SCLT1: variants seen among roughly 807,000 people sequenced by gnomAD.
SCLT1 encodes the protein sodium channel-associated protein 1.
Under a neutral mutation model 112.8 loss-of-function variants are expected in SCLT1, and 78 were observed. That is an observed-to-expected ratio of 0.69 (90% confidence interval 0.58 to 0.83). The LOEUF is 0.83. Ranked by LOEUF, SCLT1 falls within the 40% of genes least tolerant of loss-of-function variation. The probability of loss-of-function intolerance (pLI) is 0.00; values close to 1 mark genes in which losing one functional copy is unlikely to be tolerated. For synonymous variants in SCLT1, 257 were observed against 254.7 expected (o/e 1.01, Z -0.09); for missense variants, 747 against 770.4 (o/e 0.97, Z 0.36).
At chr4:128,893,642 A>G (rs1733502168) in intron 18 of SCLT1, among the ~76,000 whole-genome samples, 1 of 152,060 alleles carries the variant, frequency 6.6e-6, no homozygotes, top group African/African-American at 2.4e-5. Context: ...TCCCAGGCTC[A>G]TGCCATTCTC....
chr4:129,036,855 A>G (rs1394798011), intron 5 of SCLT1: 1 of 151,822 alleles, frequency 6.6e-6, no homozygotes, highest in Non-Finnish European at 1.5e-5. Flanking sequence ...ACATAGAAAA[A>G]TACAAATAAA....
At chr4:128,925,960 C>T (rs1005426748) in intron 18 of SCLT1, among the ~76,000 whole-genome samples, 2 of 151,722 alleles carry the variant, frequency 1.3e-5, no homozygotes, top group African/African-American at 4.8e-5. Flanking sequence ...CTTTAAATCA[C>T]TAAGAATATT....
chr4:128,959,712 G>C lies in SCLT1; in HGVS notation c.935C>G (p.Thr312Ser). 1 of 1,613,356 alleles carries C rather than the reference G, an allele frequency of 6.2e-7. No homozygotes were observed. Among genetic ancestry groups the C allele is most frequent in the Non-Finnish European group, 8.5e-7 (1 of 1,179,590 alleles). Residue 312 changes from threonine to serine, a missense_variant, in exon 12 of 21, where the codon ACC (threonine) becomes AGC (serine). By Grantham distance (58) the Thr-to-Ser change is moderately conservative. Coordinates refer to ENST00000281142, the MANE Select transcript of SCLT1 (RefSeq NM_144643.4). ...RTENTHLEKQ[T>S]RELQAKCNEL... ...ATTGCACTTTGCTTGTAGCTCTCTGGTCTGTTTTTCCAGATGTGTATTTTC... is the reference window on the plus strand; with the variant it reads ...ATTGCACTTTGCTTGTAGCTCTCTGCTCTGTTTTTCCAGATGTGTATTTTC...
chr4:128,901,587 G>A (rs1336305068), intron 18 of SCLT1, among the ~76,000 whole-genome samples: 2 of 151,324 alleles, frequency 1.3e-5, no homozygotes, highest in Non-Finnish European at 2.9e-5. Context: ...TGAGTTACTG[G>A]GTGCAGCACA....
intron 10 of SCLT1, among the ~76,000 whole-genome samples, chr4:128,969,637 G>C (rs1268010214): frequency 6.6e-6 from 1 of 151,930 alleles, no homozygotes; most frequent in East Asian, 1.9e-4. Context: ...CTTTGACCTG[G>C]GTACCTTAAG....
chr4:129,092,394 A>G (rs1467704797), intron 1 of SCLT1, among the ~76,000 whole-genome samples: 1 of 152,230 alleles, frequency 6.6e-6, no homozygotes, highest in African/African-American at 2.4e-5. Flanking sequence ...TTTTTCATAT[A>G]GTAAATTCAT....
chr4:128,997,152 T>C (rs1743083217), intron 8 of SCLT1: 3 of 151,964 alleles, frequency 2.0e-5, no homozygotes, highest in Admixed American at 6.6e-5. Context: ...AATAATTTTT[T>C]ACATGGTTAA....
At chr4:128,929,845 T>A (rs962219635) in intron 18 of SCLT1, among the ~76,000 whole-genome samples, 4 of 152,210 alleles carry the variant, frequency 2.6e-5, no homozygotes, top group African/African-American at 9.6e-5. Context: ...CTTTGTCTAT[T>A]CATGGTGTTA....
intron 20 of SCLT1, among the ~76,000 whole-genome samples, chr4:128,885,425 A>G (rs1292409429): frequency 1.3e-5 from 2 of 152,226 alleles, no homozygotes; most frequent in African/African-American, 4.8e-5. Context: ...AATTTAAAAA[A>G]TGATGAAAGT....
chr4:128,999,812 T>C lies in SCLT1; in HGVS notation c.427-18A>G. 1 of 1,577,718 alleles carries C rather than the reference T, an allele frequency of 6.3e-7. No homozygotes were observed. Among genetic ancestry groups the C allele is most frequent in the South Asian group, 1.2e-5 (1 of 86,166 alleles). On this transcript the variant is annotated intron_variant, in intron 6 of 20. Coordinates refer to ENST00000281142, the MANE Select transcript of SCLT1 (RefSeq NM_144643.4). Reference sequence around the variant, plus strand: ...GTTTTTTCCTATTAAAAAAGTTTGATAACTCATTAAATTATCAGCAGGCTA... The same window carrying C: ...GTTTTTTCCTATTAAAAAAGTTTGACAACTCATTAAATTATCAGCAGGCTA...
At chr4:128,897,458 C>T (rs1321914864) in intron 18 of SCLT1, among the ~76,000 whole-genome samples, 2 of 145,660 alleles carry the variant, frequency 1.4e-5, no homozygotes, top group Non-Finnish European at 3.0e-5. Context: ...AAATCCTTTA[C>T]AGACAAGCAA....
chr4:128,939,478 A>T (rs527341198), intron 17 of SCLT1, among the ~76,000 whole-genome samples: 1 of 152,316 alleles, frequency 6.6e-6, no homozygotes, highest in South Asian at 2.1e-4. Context: ...CGATTACAAA[A>T]ATTCTATTAA....
intron 2 of SCLT1, among the ~76,000 whole-genome samples, chr4:129,078,670 C>T (rs1751671999): frequency 6.6e-6 from 1 of 152,048 alleles, no homozygotes; most frequent in Non-Finnish European, 1.5e-5. Flanking sequence ...ATTGAATATA[C>T]ATTAAAAAAT....
chr4:128,884,631 A>G, intron 20 of SCLT1, 92 bp from the exon 21 acceptor site: 1 of 780,142 alleles, frequency 1.3e-6, no homozygotes, highest in East Asian at 2.5e-5. Context: ...ACCTATAAGT[A>G]CTGAAATGGT....
intron 2 of SCLT1, among the ~76,000 whole-genome samples, chr4:129,068,810 G>T (rs1188561219): frequency 6.6e-6 from 1 of 152,054 alleles, no homozygotes. Flanking sequence ...GTTTTTAATT[G>T]CATTTGCTTT....
intron 2 of SCLT1, among the ~76,000 whole-genome samples, chr4:129,063,787 A>G (rs1178873154): frequency 6.6e-6 from 1 of 152,182 alleles, no homozygotes; most frequent in African/African-American, 2.4e-5. Context: ...TCTCCTAGAC[A>G]CTTAGCCAGG....
intron 3 of SCLT1, among the ~76,000 whole-genome samples, chr4:129,043,732 C>CA (rs1203544189): frequency 6.6e-6 from 1 of 152,166 alleles, no homozygotes; most frequent in Non-Finnish European, 1.5e-5. Context: ...ATGGCAGCAG[C>CA]AGCCTCACTT....
chr4:128,969,937 A>G (rs1740544950), intron 10 of SCLT1, among the ~76,000 whole-genome samples: 1 of 152,342 alleles, frequency 6.6e-6, no homozygotes, highest in Admixed American at 6.5e-5. Context: ...TTCAATAATT[A>G]TATCTATCTA....
rs79990855 is a variant in SCLT1, at chr4:128,978,064, T to G, written c.687-7596A>C. 2.5e-3 allele frequency among the ~76,000 whole-genome samples: 378 copies of G among 152,212 alleles called. 2 individuals are homozygous for G. The highest frequency in any genetic ancestry group is 8.9e-3 in the African/African-American group (370 of 41,526). On this transcript the variant is annotated intron_variant, in intron 9 of 20. Coordinates refer to ENST00000281142, the MANE Select transcript of SCLT1 (RefSeq NM_144643.4). The stretch of plus-strand genomic sequence containing the variant: ...CAAAGGAGAGCAAGCAAGCAAAAAT[T>G]CTGAGGTTTGATGATGGCATTAGCT...
Sources: gnomAD v4.1 joint callset for allele counts (sites outside exome capture counted in the v4.1 genomes callset) on GRCh38, gnomAD v4.1.1 for gene constraint, MANE v1.5 for transcripts, NCBI Gene and HGNC (gene_info 2026-07-23, HGNC 2026-07-21) for gene names.